Variants in CDH18 observed in about 807,000 individuals in gnomAD.
The protein encoded by CDH18 is cadherin 18.
A neutral mutation model predicts 67.9 loss-of-function variants in CDH18; 31 were observed. The observed-to-expected ratio is 0.46, with a 90% CI of 0.34 to 0.62. The LOEUF is 0.62. CDH18 is among the 20% of genes least tolerant of loss of function. The pLI, the probability that CDH18 is intolerant of heterozygous loss-of-function variation, is 0.01. For synonymous variants in CDH18, 362 were observed against 347.2 expected (o/e 1.04, Z -0.48); for missense variants, 890 against 975.5 (o/e 0.91, Z 1.17).
At chr5:19,731,755 A>G (rs1767626278) in intron 4 of CDH18, among the ~76,000 whole-genome samples, 1 of 152,150 alleles carries the variant, frequency 6.6e-6, no homozygotes, top group Admixed American at 6.5e-5. Flanking sequence ...ATAAGCTTCC[A>G]TTTTACTTAA....
chr5:19,619,595 G>A (rs896193316), intron 5 of CDH18, among the ~76,000 whole-genome samples: 1 of 152,194 alleles, frequency 6.6e-6, no homozygotes, highest in Non-Finnish European at 1.5e-5. Flanking sequence ...CAATGGCAGA[G>A]ATTAGGTACT....
At chr5:20,098,133 T>C (rs1432398858) in intron 2 of CDH18, among the ~76,000 whole-genome samples, 1 of 152,006 alleles carries the variant, frequency 6.6e-6, no homozygotes, top group Non-Finnish European at 1.5e-5. Flanking sequence ...ATCTTAATCA[T>C]TAAATCAAAT....
intron 1 of CDH18, among the ~76,000 whole-genome samples, chr5:20,340,989 C>G (rs1740209678): frequency 6.6e-6 from 1 of 152,126 alleles, no homozygotes; most frequent in Non-Finnish European, 1.5e-5. Context: ...TTGTCTTCCC[C>G]TGGTGGAGAC....
intron 2 of CDH18, among the ~76,000 whole-genome samples, chr5:19,877,477 A>G (rs762144700): frequency 6.6e-6 from 1 of 152,184 alleles, no homozygotes; most frequent in African/African-American, 2.4e-5. Context: ...ATAAAAGTAT[A>G]GATGAAAAGG....
intron 1 of CDH18, among the ~76,000 whole-genome samples, chr5:20,538,722 T>A (rs1756864722): frequency 1.3e-5 from 2 of 152,090 alleles, no homozygotes; most frequent in South Asian, 4.1e-4. Context: ...TAAATGAATC[T>A]TAAGTCAGCT....
chr5:20,252,762 C>A (rs1273091945), intron 2 of CDH18, among the ~76,000 whole-genome samples: 1 of 151,832 alleles, frequency 6.6e-6, no homozygotes, highest in African/African-American at 2.4e-5. Flanking sequence ...ATGGTGAAAC[C>A]CCGTCTCTAC....
At chr5:20,311,965 A>T (rs529334090) in intron 1 of CDH18, among the ~76,000 whole-genome samples, 3 of 152,290 alleles carry the variant, frequency 2.0e-5, no homozygotes, top group African/African-American at 7.2e-5. Flanking sequence ...CTATTTGCTG[A>T]ACACATGGCA....
chr5:19,491,931 G>A (rs895425893), intron 11 of CDH18, among the ~76,000 whole-genome samples: 23 of 151,930 alleles, frequency 1.5e-4, no homozygotes, highest in Non-Finnish European at 2.8e-4. Context: ...ATTTTTTCTT[G>A]TCTTAGAAAT....
chr5:20,285,688 T>C (rs969527807), intron 1 of CDH18, among the ~76,000 whole-genome samples: 1 of 151,454 alleles, frequency 6.6e-6, no homozygotes, highest in Non-Finnish European at 1.5e-5. Context: ...TGTAACATAA[T>C]CAATTGAAAT....
At chr5:19,533,415 G>A (rs922320456) in intron 9 of CDH18, among the ~76,000 whole-genome samples, 1 of 152,144 alleles carries the variant, frequency 6.6e-6, no homozygotes, top group African/African-American at 2.4e-5. Flanking sequence ...GAAGAAAAGA[G>A]AGTACAAACT....
intron 5 of CDH18, among the ~76,000 whole-genome samples, chr5:19,648,630 C>A (rs917198108): frequency 1.3e-5 from 2 of 151,948 alleles, no homozygotes; most frequent in African/African-American, 2.4e-5. Context: ...ATGTTCACAG[C>A]TTTTTTGTAC....
chr5:19,504,598 A>G (rs1471268050), intron 10 of CDH18, among the ~76,000 whole-genome samples: 1 of 152,114 alleles, frequency 6.6e-6, no homozygotes, highest in East Asian at 1.9e-4. Context: ...TTGAAATAAA[A>G]TGTCAATATT....
chr5:20,463,030 T>G (rs996348333), intron 1 of CDH18, among the ~76,000 whole-genome samples: 3 of 152,124 alleles, frequency 2.0e-5, no homozygotes, highest in Non-Finnish European at 2.9e-5. Context: ...AAATATCACT[T>G]TGTTCGAACA....
rs950498743 is a variant in CDH18 at position 19,654,202 on chromosome 5, C to G, written c.644-41601G>C. Among the ~76,000 whole-genome samples the G allele has an allele frequency of 2.0e-4, 30 of 152,038 alleles. 1 individual carries two copies. Among genetic ancestry groups the G allele is most frequent in the Non-Finnish European group, 1.2e-4 (8 of 68,006 alleles). ...AAAAATAGAATGGGTGCATTTTGGT[C>G]TTGGGTTTAATTATTGCATGTTTGA... is the stretch of plus-strand genomic sequence containing the variant. On this transcript the variant is annotated intron_variant, in intron 5 of 12. Transcript: ENST00000382275.
intron 3 of CDH18, among the ~76,000 whole-genome samples, chr5:19,762,587 G>A (rs916762115): frequency 6.6e-6 from 1 of 152,042 alleles, no homozygotes; most frequent in African/African-American, 2.4e-5. Flanking sequence ...TCATTAAAAA[G>A]TCAGGAAATA....
chr5:19,685,017 G>A (rs144620717), intron 5 of CDH18, among the ~76,000 whole-genome samples: 154 of 152,176 alleles, frequency 1.0e-3, no homozygotes, highest in African/African-American at 3.4e-3. Context: ...AATGGCTTAC[G>A]TGACATGTCC....
chr5:20,441,086 C>A (rs1164845510), intron 1 of CDH18, among the ~76,000 whole-genome samples: 1 of 151,704 alleles, frequency 6.6e-6, no homozygotes, highest in Non-Finnish European at 1.5e-5. Flanking sequence ...TAATGGGAAT[C>A]CTCTCCAAGA....
At chr5:20,080,043 A>T (rs1042341065) in intron 2 of CDH18, among the ~76,000 whole-genome samples, 7 of 152,204 alleles carry the variant, frequency 4.6e-5, no homozygotes, top group African/African-American at 1.7e-4. Flanking sequence ...TTGGCAATTT[A>T]GGCTTCAATA....
intron 5 of CDH18, among the ~76,000 whole-genome samples, chr5:19,654,771 G>A (rs1464165862): frequency 2.0e-5 from 3 of 152,158 alleles, no homozygotes; most frequent in African/African-American, 4.8e-5. Context: ...TTTTATTCCC[G>A]GAGGGAGGTA....
Sources: gnomAD v4.1 joint callset for allele counts (sites outside exome capture counted in the v4.1 genomes callset) on GRCh38, gnomAD v4.1.1 for gene constraint, MANE v1.5 for transcripts, NCBI Gene and HGNC (gene_info 2026-07-23, HGNC 2026-07-21) for gene names.